The following TG variants were observed in gnomAD, a reference collection of about 807,000 sequenced individuals.
The protein encoded by TG is thyroglobulin, also known as thyroid hormones.
TG carries 270 observed loss-of-function variants against 324.7 expected under a neutral mutation model. The observed-to-expected ratio is 0.83, with a 90% CI of 0.75 to 0.92. TG has a LOEUF of 0.92. Ranked by LOEUF, TG falls within the 40% of genes least tolerant of loss-of-function variation. TG has a pLI of 0.00. For synonymous variants in TG, 1,401 were observed against 1,327.0 expected (o/e 1.06, Z -1.21); for missense variants, 3,591 against 3,456.4 (o/e 1.04, Z -0.98).
chr8:132,936,297 C>T (rs191839646), intron 25 of TG, among the ~76,000 whole-genome samples: 3 of 152,312 alleles, frequency 2.0e-5, no homozygotes, highest in Admixed American at 1.3e-4. Flanking sequence ...GGGTGCCGGG[C>T]TCCCAGCAGC....
intron 43 of TG, among the ~76,000 whole-genome samples, chr8:133,111,077 A>T (rs1850211632): frequency 6.6e-6 from 1 of 152,180 alleles, no homozygotes; most frequent in Admixed American, 6.5e-5. Context: ...CTTGAACCCT[A>T]AGTTTTGACT....
Position 132,941,490 on chromosome 8 carries a change from A to G in TG, c.5181A>G (p.Ala1727=), listed in dbSNP as rs372928250. The stretch of plus-strand genomic sequence containing the variant: ...ATGCTCACCTCTTCTGTCTTCTTGC[A>G]TGCGACCGTGATCTGTGTTGCGATG... The part of the protein sequence containing the change: ...LTDAHLFCLL[A]CDRDLCCDGF... Residue 1727 remains alanine (A), a synonymous_variant, in exon 26 of 48, where the codon GCA becomes GCG. Transcript: ENST00000220616. 1.2e-6 allele frequency: 2 copies of G among 1,614,080 alleles called. No homozygotes were observed. The highest frequency in any genetic ancestry group is 2.7e-5 in the African/African-American group (2 of 74,918).
chr8:132,917,792 G>A (rs928414998), intron 20 of TG, among the ~76,000 whole-genome samples: 8 of 152,028 alleles, frequency 5.3e-5, no homozygotes, highest in Admixed American at 3.9e-4. Context: ...GGCAGGAGGG[G>A]TGGCCTGACC....
chr8:133,001,995 G>C, intron 35 of TG: 1 of 985,472 alleles, frequency 1.0e-6, no homozygotes, highest in Non-Finnish European at 1.2e-6. Context: ...GAAGACTTTT[G>C]GATGCCTTGG....
chr8:133,094,703 A>G, intron 41 of TG: 1 of 387,396 alleles, frequency 2.6e-6, no homozygotes, highest in South Asian at 2.2e-5. Flanking sequence ...CTCTTCCCAG[A>G]GGACTTTGCC....
intron 4 of TG, among the ~76,000 whole-genome samples, chr8:132,872,664 T>G (rs548868124): frequency 4.6e-5 from 7 of 152,260 alleles, no homozygotes; most frequent in Admixed American, 1.3e-4. Context: ...CTGCCAGTCC[T>G]GCAAGCTCCG....
chr8:132,910,841 AC>A (rs937572193), intron 18 of TG, among the ~76,000 whole-genome samples: 1 of 152,156 alleles, frequency 6.6e-6, no homozygotes, highest in Non-Finnish European at 1.5e-5. Context: ...CTTGTGTTCA[AC>A]CCTGGACCAA....
intron 41 of TG, chr8:133,044,877 A>G (rs1455922209): frequency 1.8e-6 from 2 of 1,081,344 alleles, no homozygotes; most frequent in African/African-American, 1.5e-5. Context: ...TGAAGGCAGC[A>G]TAGGCAGTAA....
rs116726914 is a variant in TG at position 133,096,303 on chromosome 8, G to C, written c.7502G>C (p.Trp2501Ser). The part of the protein sequence containing the change: ...PPARALKRSL[W>S]VEVDLLIGSS... ...GCCAGAGCACTGAAGAGGTCTTTAT[G>C]GGTAGAGGTCGATCTGCTCATTGGG... The change falls in exon 43 of 48, where the codon TGG becomes TCG. Residue 2501 changes from tryptophan (W) to serine (S), a missense_variant. By Grantham distance (177) the Trp-to-Ser change is radical. Transcript: ENST00000220616. 1.9e-6 allele frequency: 3 copies of C among 1,614,140 alleles called. No individual in the cohort carries two copies. The highest frequency in any genetic ancestry group is 2.5e-6 in the Non-Finnish European group (3 of 1,179,986).
chr8:133,050,642 A>G (rs763185219), intron 41 of TG: 2 of 588,118 alleles, frequency 3.4e-6, no homozygotes, highest in Non-Finnish European at 6.1e-6. Context: ...GGAAGGTTCT[A>G]GAGCACTGGC....
chr8:133,123,586 C>G (rs1181892726), intron 45 of TG, among the ~76,000 whole-genome samples: 1 of 152,194 alleles, frequency 6.6e-6, no homozygotes. Context: ...GTGATGTCCT[C>G]CTCTCTAAAC....
chr8:133,077,769 G>A (rs1018869096), intron 41 of TG, among the ~76,000 whole-genome samples: 11 of 151,118 alleles, frequency 7.3e-5, no homozygotes, highest in Admixed American at 1.3e-4. Context: ...GTGTGTGTTT[G>A]TATGTGTGTG....
chr8:133,016,075 C>T (rs1587769085), intron 37 of TG, among the ~76,000 whole-genome samples: 1 of 151,642 alleles, frequency 6.6e-6, no homozygotes, highest in East Asian at 1.9e-4. Flanking sequence ...ATTATTTATT[C>T]CTGTTGTAGG....
chr8:133,056,794 T>A (rs1246864838), intron 41 of TG, among the ~76,000 whole-genome samples: 2 of 152,276 alleles, frequency 1.3e-5, no homozygotes, highest in African/African-American at 4.8e-5. Flanking sequence ...ACTAAGGAGA[T>A]AAACTCTTTC....
chr8:132,868,242 G>A lies in TG; in HGVS notation c.176+19G>A, dbSNP rs1839152715. On this transcript the variant is annotated intron_variant, in intron 2 of 47. Coordinates refer to ENST00000220616, the MANE Select transcript of TG (RefSeq NM_003235.5). ...GCTTCCAGTAAGGCTTATGTCAGCA[G>A]CGAACTCTCAAGGTCCAAGATGCCA... 1.2e-6 allele frequency: 2 copies of A among 1,610,386 alleles called. No homozygotes were observed. The highest frequency in any genetic ancestry group is 1.3e-5 in the African/African-American group (1 of 74,814).
In TG at chr8:133,013,720, G is replaced by A. The variant is rs377383606; in HGVS notation, c.6518G>A (p.Arg2173Gln). ...CATAGTCTGCAGGGTCAGAACTGCC[G>A]ACTTCTGCTTCGTGAAGAGGCCACC... ...CTHSLQGQNC[R>Q]LLLREEATHI... Residue 2173 changes from arginine (R) to glutamine (Q), a missense_variant, in exon 37 of 48, where the codon CGA becomes CAA. Transcript: ENST00000220616. 5.8e-5 allele frequency: 94 copies of A among 1,613,398 alleles called. 1 individual carries two copies. The highest frequency in any genetic ancestry group is 5.6e-4 in the South Asian group (51 of 91,082).
At chr8:133,007,136 T>C (rs1834081399) in intron 35 of TG, among the ~76,000 whole-genome samples, 2 of 152,126 alleles carry the variant, frequency 1.3e-5, no homozygotes, top group African/African-American at 4.8e-5. Context: ...GCAGGCAGAG[T>C]TCAAAAGACA....
intron 43 of TG, among the ~76,000 whole-genome samples, chr8:133,099,744 G>A (rs1279964239): frequency 6.6e-6 from 1 of 152,132 alleles, no homozygotes; most frequent in Non-Finnish European, 1.5e-5. Flanking sequence ...TCCTGACACT[G>A]CTCTCTCATA....
At chr8:132,939,885 C>T (rs563963162) in intron 25 of TG, among the ~76,000 whole-genome samples, 8 of 152,082 alleles carry the variant, frequency 5.3e-5, no homozygotes, top group South Asian at 2.1e-4. Flanking sequence ...CCATTTGGCC[C>T]GGCTAGTCTT....
Sources: allele counts gnomAD v4.1 joint callset (sites outside exome capture counted in the v4.1 genomes callset), GRCh38; gene constraint gnomAD v4.1.1; transcripts MANE v1.5; gene names NCBI Gene and HGNC (gene_info 2026-07-23, HGNC 2026-07-21).